KIAA0825: variants seen among roughly 807,000 people sequenced by gnomAD.
The protein encoded by KIAA0825 is KIAA0825, also known as uncharacterized protein KIAA0825.
A neutral mutation model predicts 147.6 loss-of-function variants in KIAA0825; 119 were observed. That is an observed-to-expected ratio of 0.81 (90% CI 0.69 to 0.94). The LOEUF is 0.94. Among genes scored for constraint, KIAA0825 ranks in the 40% least tolerant of loss-of-function variants. The pLI is 0.00. For synonymous variants in KIAA0825, 470 were observed against 518.1 expected (o/e 0.91, Z 1.26); for missense variants, 1,381 against 1,472.7 (o/e 0.94, Z 1.02).
chr5:94,264,404 A>C (rs1026287016), intron 20 of KIAA0825, among the ~76,000 whole-genome samples: 5 of 152,202 alleles, frequency 3.3e-5, no homozygotes, highest in African/African-American at 1.2e-4. Flanking sequence ...GTGTTAAATG[A>C]ATGAATAGAT....
At chr5:94,412,163 T>C (rs1289752840) in intron 15 of KIAA0825, among the ~76,000 whole-genome samples, 1 of 152,168 alleles carries the variant, frequency 6.6e-6, no homozygotes, top group Non-Finnish European at 1.5e-5. Context: ...TGAATAGATA[T>C]TTTACAAAAG....
chr5:94,519,560 A>G, intron 5 of KIAA0825: 1 of 589,902 alleles, frequency 1.7e-6, no homozygotes. Flanking sequence ...TTTTATTTGT[A>G]TACATCCTTA....
chr5:94,500,830 T>C (rs910735510), intron 5 of KIAA0825, among the ~76,000 whole-genome samples: 2 of 152,216 alleles, frequency 1.3e-5, no homozygotes, highest in Non-Finnish European at 2.9e-5. Context: ...CAGGCTGTAG[T>C]GCAATGGCTC....
At chr5:94,423,663 G>A (rs1462704482) in intron 14 of KIAA0825, among the ~76,000 whole-genome samples, 1 of 152,150 alleles carries the variant, frequency 6.6e-6, no homozygotes, top group African/African-American at 2.4e-5. Flanking sequence ...AGTGTGCCAT[G>A]AGCTCAGGGA....
At chr5:94,544,802 A>G (rs1774009794) in intron 2 of KIAA0825, among the ~76,000 whole-genome samples, 1 of 152,228 alleles carries the variant, frequency 6.6e-6, no homozygotes, top group Admixed American at 6.5e-5. Context: ...CAGAGCAAGA[A>G]GGCTGAATAG....
intron 20 of KIAA0825, among the ~76,000 whole-genome samples, chr5:94,356,181 G>A (rs191461953): frequency 6.6e-4 from 100 of 152,238 alleles, no homozygotes; most frequent in South Asian, 3.9e-3. Flanking sequence ...AAATTAATAA[G>A]ATGAACCTTC....
At chr5:94,430,252 T>G (rs1378711095) in intron 14 of KIAA0825, among the ~76,000 whole-genome samples, 1 of 152,230 alleles carries the variant, frequency 6.6e-6, no homozygotes, top group African/African-American at 2.4e-5. Context: ...TGGCACGGCA[T>G]GTTTACCATT....
At chr5:94,329,013 T>C (rs1404205774) in intron 20 of KIAA0825, among the ~76,000 whole-genome samples, 1 of 152,114 alleles carries the variant, frequency 6.6e-6, no homozygotes, top group African/African-American at 2.4e-5. Flanking sequence ...TATGGGGAAA[T>C]ACTATGCAAC....
chr5:94,248,125 A>C lies in KIAA0825; in HGVS notation c.3711-94001T>G, dbSNP rs72771629. 7.8e-3 allele frequency among the ~76,000 whole-genome samples: 1,182 copies of C among 152,260 alleles called. 7 individuals are homozygous for C. The highest frequency in any genetic ancestry group is 0.013 in the Non-Finnish European group (904 of 67,994). ...TGTGCAAGTAGAATAATCATAAATG[A>C]GTGGGATTTTAGGGTATTGCTAAAA... is the stretch of plus-strand genomic sequence containing the variant. On this transcript the variant is annotated intron_variant, in intron 20 of 20. Transcript: ENST00000682413.
Position 94,349,739 on chromosome 5 carries a change from CAAT to C in KIAA0825, c.3710+34626_3710+34628del, listed in dbSNP as rs1461298849. On this transcript the variant is annotated intron_variant, in intron 20 of 20. Coordinates refer to ENST00000682413, the MANE Select transcript of KIAA0825 (RefSeq NM_001145678.3). ...TTTTAAAATTCTTCGAACTGAATGA[CAAT>C]AATGACATAACCTATCAAAACCTCT... Among the ~76,000 whole-genome samples, 3 of 152,056 alleles carry C rather than the reference CAAT, an allele frequency of 2.0e-5. No individual in the cohort carries two copies. In the East Asian group the frequency reaches 5.8e-4, roughly 29 times the overall value.
At chr5:94,292,833 G>C (rs1248164708) in intron 20 of KIAA0825, among the ~76,000 whole-genome samples, 1 of 152,114 alleles carries the variant, frequency 6.6e-6, no homozygotes, top group Non-Finnish European at 1.5e-5. Context: ...TCCTGGTTTA[G>C]TCTTGGGATG....
Position 94,581,699 on chromosome 5 carries a change from AT to A in KIAA0825, c.-2+733del, listed in dbSNP as rs1192731946. On this transcript the variant is annotated intron_variant, in intron 2 of 20. Coordinates refer to ENST00000682413, the MANE Select transcript of KIAA0825 (RefSeq NM_001145678.3). ...CTTTTTAATATCTATTATTTAAAAAATATCTTTGAATTGAAGATACTCTAAA... is the reference window on the plus strand; with the variant it reads ...CTTTTTAATATCTATTATTTAAAAAAATCTTTGAATTGAAGATACTCTAAA... Among the ~76,000 whole-genome samples the A allele has an allele frequency of 8.5e-5, 13 of 152,320 alleles. No individual in the cohort carries two copies. The South Asian group carries it at 2.5e-3, about 29-fold the overall frequency.
chr5:94,335,815 AG>A (rs1451855926), intron 20 of KIAA0825, among the ~76,000 whole-genome samples: 4 of 152,314 alleles, frequency 2.6e-5, no homozygotes, highest in African/African-American at 9.6e-5. Context: ...AATTTTTATC[AG>A]GAAGTGTATT....
chr5:94,429,459 G>GAC (rs1218999394), intron 14 of KIAA0825, among the ~76,000 whole-genome samples: 1 of 151,630 alleles, frequency 6.6e-6, no homozygotes, highest in Non-Finnish European at 1.5e-5. Context: ...TGCTTCTATA[G>GAC]ACATATGCAC....
chr5:94,593,817 T>A, intron 1 of KIAA0825: 1 of 339,686 alleles, frequency 2.9e-6, no homozygotes, highest in South Asian at 2.6e-5. Context: ...GAATTATTGC[T>A]TAGTTATTTG....
chr5:94,442,601 A>G (rs188608823), intron 13 of KIAA0825, among the ~76,000 whole-genome samples: 2 of 152,254 alleles, frequency 1.3e-5, no homozygotes, highest in South Asian at 2.1e-4. Flanking sequence ...GATCCTTACA[A>G]TGGTTGCCCC....
At chr5:94,512,587 T>G (rs1013969551) in intron 5 of KIAA0825, among the ~76,000 whole-genome samples, 17 of 145,206 alleles carry the variant, frequency 1.2e-4, no homozygotes, top group Admixed American at 1.1e-3. Flanking sequence ...CATAGCAAGA[T>G]CCTGTCTTAA....
chr5:94,491,014 C>T (rs1320728999), intron 5 of KIAA0825, among the ~76,000 whole-genome samples: 1 of 152,104 alleles, frequency 6.6e-6, no homozygotes, highest in East Asian at 1.9e-4. Context: ...CTATTAGCAA[C>T]AGAATTCTTA....
intron 20 of KIAA0825, among the ~76,000 whole-genome samples, chr5:94,320,723 G>T (rs1224222053): frequency 6.6e-6 from 1 of 151,960 alleles, no homozygotes. Context: ...TATGTTAATT[G>T]CTCATTCAGA....
Sources: gnomAD v4.1 joint callset for allele counts (sites outside exome capture counted in the v4.1 genomes callset) on GRCh38, gnomAD v4.1.1 for gene constraint, MANE v1.5 for transcripts, NCBI Gene and HGNC (gene_info 2026-07-23, HGNC 2026-07-21) for gene names.